Variants in RICTOR observed in about 807,000 individuals in gnomAD.
The protein encoded by RICTOR is rapamycin-insensitive companion of mTOR.
In RICTOR, 49 loss-of-function variants were observed where a neutral mutation model predicts 214.9. The observed-to-expected ratio is 0.23, with a 90% CI of 0.18 to 0.29. The LOEUF is 0.29. Ranked by LOEUF, RICTOR falls within the 10% of genes least tolerant of loss-of-function variation. The probability of loss-of-function intolerance (pLI) is 1.00; values close to 1 mark genes in which losing one functional copy is unlikely to be tolerated. For missense variants in RICTOR, 1,625 were observed against 2,047.0 expected, an observed-to-expected ratio of 0.79 and a Z score of 3.98; for synonymous variants, 717 against 711.3, an observed-to-expected ratio of 1.01 and a Z score of -0.13.
At chr5:39,002,250 T>C (rs1369330921) in intron 5 of RICTOR, among the ~76,000 whole-genome samples, 1 of 150,928 alleles carries the variant, frequency 6.6e-6, no homozygotes, top group South Asian at 2.1e-4. Context: ...ACTGTATACG[T>C]CCAACACACA....
At chr5:38,999,680 A>G (rs999533257) in intron 5 of RICTOR, among the ~76,000 whole-genome samples, 7 of 152,132 alleles carry the variant, frequency 4.6e-5, no homozygotes, top group African/African-American at 1.7e-4. Context: ...AAATACCAAG[A>G]TAGCAAACAA....
At chr5:38,997,086 T>A (rs181234393) in intron 5 of RICTOR, among the ~76,000 whole-genome samples, 1 of 152,154 alleles carries the variant, frequency 6.6e-6, no homozygotes, top group African/African-American at 2.4e-5. Flanking sequence ...AAAGACCAAT[T>A]TTTTCTTTTA....
intron 20 of RICTOR, 134 bp from the exon 21 acceptor site, chr5:38,960,112 T>A: frequency 1.4e-6 from 1 of 694,060 alleles, no homozygotes; most frequent in Non-Finnish European, 2.5e-6. Context: ...AGTGAGTACC[T>A]GTTGTTTTCT....
chr5:39,003,967 A>C (rs1753833759), intron 3 of RICTOR, among the ~76,000 whole-genome samples: 1 of 152,148 alleles, frequency 6.6e-6, no homozygotes, highest in Non-Finnish European at 1.5e-5. Flanking sequence ...AAAAAGTATC[A>C]CTTCACAATG....
At chr5:38,949,304 T>C in intron 31 of RICTOR, 1 of 1,191,708 alleles carries the variant, frequency 8.4e-7, no homozygotes, top group Non-Finnish European at 1.2e-6. Flanking sequence ...TTCATTTATC[T>C]TTTTAAAAAA....
At chr5:38,988,653 A>T (rs1383026204) in intron 7 of RICTOR, among the ~76,000 whole-genome samples, 1 of 152,182 alleles carries the variant, frequency 6.6e-6, no homozygotes, top group African/African-American at 2.4e-5. Flanking sequence ...TAAGCTGATA[A>T]GCAACTTCAC....
intron 6 of RICTOR, among the ~76,000 whole-genome samples, chr5:38,991,411 G>C (rs1233551417): frequency 2.0e-5 from 3 of 151,928 alleles, no homozygotes; most frequent in Non-Finnish European, 4.4e-5. Flanking sequence ...TAAACCAGAG[G>C]GGACAATAGT....
chr5:38,950,595 A>G lies in RICTOR; in HGVS notation c.3253T>C (p.Phe1085Leu). 6.2e-7 allele frequency: 1 copy of G among 1,613,344 alleles called. No individual in the cohort carries two copies. Among genetic ancestry groups the G allele is most frequent in the Admixed American group, 1.7e-5 (1 of 59,938 alleles). The change falls in exon 31 of 38, where the codon TTC (phenylalanine) becomes CTC (leucine). Residue 1085 changes from phenylalanine to leucine, a missense_variant. By Grantham distance (22) the Phe-to-Leu change is conservative (BLOSUM62 0). This residue lies in a region of RICTOR where 1,214 missense variants were observed against 1,470.5 expected (regional missense o/e 0.83). Transcript: ENST00000357387. ...RSGPIKDKNS[F>L]PFFASSKLVK... ...AGTTTACTAGAAGCAAAGAAAGGGA[A>G]TGAATTTTTATCCTTTATGGGTCCA...
intron 1 of RICTOR, 33 bp downstream of exon 1, chr5:39,074,296 G>A (rs1248264027): frequency 1.9e-6 from 3 of 1,561,804 alleles, no homozygotes; most frequent in African/African-American, 2.7e-5. Flanking sequence ...GCGGGCGCCG[G>A]GCGGTGGGGA....
chr5:38,990,532 T>TACACG (rs1314242943), intron 7 of RICTOR, among the ~76,000 whole-genome samples: 6 of 147,850 alleles, frequency 4.1e-5, no homozygotes, highest in South Asian at 2.1e-4. Flanking sequence ...ATACGATATA[T>TACACG]ATACGATATA....
At chr5:38,948,531 G>T (rs1359339206) in intron 31 of RICTOR, among the ~76,000 whole-genome samples, 1 of 152,004 alleles carries the variant, frequency 6.6e-6, no homozygotes, top group Non-Finnish European at 1.5e-5. Context: ...GGTTTCCACA[G>T]AAATCTTTAT....
At chr5:38,967,079 G>GCCT (rs1750294953) in intron 14 of RICTOR, 82 bp downstream of exon 14, 5 of 1,078,808 alleles carry the variant, frequency 4.6e-6, no homozygotes, top group South Asian at 2.6e-5. Flanking sequence ...GGGATTACAG[G>GCCT]CGTGAGTCAC....
At chr5:39,045,951 C>G (rs951466371) in intron 2 of RICTOR, among the ~76,000 whole-genome samples, 1 of 151,832 alleles carries the variant, frequency 6.6e-6, no homozygotes, top group Non-Finnish European at 1.5e-5. Flanking sequence ...CACATCTTAT[C>G]TTATTCCAGT....
intron 8 of RICTOR, chr5:38,981,610 C>G: frequency 3.2e-6 from 1 of 314,830 alleles, no homozygotes; most frequent in Non-Finnish European, 5.7e-6. Flanking sequence ...TTTATTTGTA[C>G]TCTAATTTGG....
At chr5:38,975,873 A>G (rs1751190864) in intron 9 of RICTOR, among the ~76,000 whole-genome samples, 1 of 152,232 alleles carries the variant, frequency 6.6e-6, no homozygotes, top group South Asian at 2.1e-4. Context: ...ATTCTTAGAT[A>G]AGATTTAATT....
chr5:38,966,988 A>G, intron 14 of RICTOR, 173 bp downstream of exon 14: 2 of 668,586 alleles, frequency 3.0e-6, no homozygotes, highest in Non-Finnish European at 5.4e-6. Context: ...TTTAGTTGAG[A>G]CACAGTTTCA....
chr5:38,973,248 CTG>C (rs1431746320), intron 10 of RICTOR, among the ~76,000 whole-genome samples: 2 of 152,078 alleles, frequency 1.3e-5, no homozygotes, highest in Admixed American at 1.3e-4. Context: ...GTGCATTTCA[CTG>C]TATGTAAATT....
chr5:39,028,344 G>A (rs1468171563), intron 2 of RICTOR, among the ~76,000 whole-genome samples: 13 of 151,382 alleles, frequency 8.6e-5, no homozygotes, highest in Non-Finnish European at 1.5e-4. Flanking sequence ...CACTACGCCC[G>A]GCTAATTTTT....
chr5:39,014,964 C>G (rs1754834252), intron 3 of RICTOR, among the ~76,000 whole-genome samples: 1 of 152,130 alleles, frequency 6.6e-6, no homozygotes, highest in Admixed American at 6.6e-5. Context: ...AATGCATCAT[C>G]TTCCCAATCT....
Sources: gnomAD v4.1 joint callset for allele counts (sites outside exome capture counted in the v4.1 genomes callset) on GRCh38, gnomAD v4.1.1 for gene constraint, gnomAD v4.1.1 regional missense constraint, MANE v1.5 for transcripts, NCBI Gene and HGNC (gene_info 2026-07-23, HGNC 2026-07-21) for gene names.